The following KSR2 variants were observed in gnomAD, a reference collection of about 807,000 sequenced individuals.
The protein encoded by KSR2 is kinase suppressor of ras 2.
In KSR2, 25 loss-of-function variants were observed where a neutral mutation model predicts 107.8. That is an observed-to-expected ratio of 0.23 (90% CI 0.17 to 0.32). The LOEUF (loss-of-function observed/expected upper bound fraction) is 0.32. KSR2 is among the 10% of genes least tolerant of loss of function. KSR2 has a pLI of 1.00. For missense variants in KSR2, 887 were observed against 1,268.9 expected (o/e 0.70, Z 4.57); for synonymous variants, 480 against 507.0 (o/e 0.95, Z 0.71).
intron 1 of KSR2, among the ~76,000 whole-genome samples, chr12:117,908,579 A>G (rs1894922870): frequency 6.6e-6 from 1 of 152,190 alleles, no homozygotes; most frequent in Non-Finnish European, 1.5e-5. Flanking sequence ...ATCCACAGTG[A>G]TTCTAAGGCC....
At chr12:117,553,776 G>A (rs1264914186) in intron 9 of KSR2, among the ~76,000 whole-genome samples, 1 of 151,850 alleles carries the variant, frequency 6.6e-6, no homozygotes, top group Non-Finnish European at 1.5e-5. Context: ...ATTAATTCCT[G>A]CTAGAGCTGG....
chr12:117,814,628 G>A (rs1407575712), intron 3 of KSR2, among the ~76,000 whole-genome samples: 1 of 152,144 alleles, frequency 6.6e-6, no homozygotes, highest in Non-Finnish European at 1.5e-5. Context: ...TCCCCAAAAT[G>A]TTCCAGCGGA....
At chr12:117,873,253 G>A (rs1189075423) in intron 1 of KSR2, among the ~76,000 whole-genome samples, 6 of 150,820 alleles carry the variant, frequency 4.0e-5, no homozygotes, top group African/African-American at 7.3e-5. Flanking sequence ...GCTAAGACAG[G>A]AGAATTGCTT....
chr12:117,761,337 C>A lies in KSR2; in HGVS notation c.660G>T (p.Val220=), dbSNP rs762622180. 152 of 1,575,632 alleles carry A rather than the reference C, an allele frequency of 9.6e-5. No homozygotes were observed. The East Asian group carries it at 3.3e-3, about 35-fold the overall frequency. ...CGGTAAGCCTGTCCACGTGGGTGTACACAGGGGCCCCGGGAGTGGGGCTGG... is the reference window on the plus strand; with the variant it reads ...CGGTAAGCCTGTCCACGTGGGTGTAAACAGGGGCCCCGGGAGTGGGGCTGG... ...CHTSPTPGAP[V]YTHVDRLTVD... Residue 220 remains valine, a synonymous_variant, in exon 4 of 20, where the codon GTG becomes GTT. Coordinates refer to ENST00000339824, the MANE Select transcript of KSR2 (RefSeq NM_173598.6).
At chr12:117,715,472 A>T (rs1300724642) in intron 4 of KSR2, among the ~76,000 whole-genome samples, 1 of 152,224 alleles carries the variant, frequency 6.6e-6, no homozygotes, top group African/African-American at 2.4e-5. Flanking sequence ...AGCGCAAGGG[A>T]GAAAATTCAC....
At chr12:117,490,999 A>G (rs1486027051) in intron 14 of KSR2, among the ~76,000 whole-genome samples, 1 of 152,156 alleles carries the variant, frequency 6.6e-6, no homozygotes, top group Non-Finnish European at 1.5e-5. Flanking sequence ...TATAATCACC[A>G]TGATGTTCAA....
intron 4 of KSR2, among the ~76,000 whole-genome samples, chr12:117,748,734 G>C (rs575446525): frequency 1.3e-5 from 2 of 152,176 alleles, no homozygotes; most frequent in African/African-American, 4.8e-5. Flanking sequence ...AGCTGTGCAA[G>C]AGCTTAATGC....
intron 4 of KSR2, among the ~76,000 whole-genome samples, chr12:117,670,696 G>GC (rs1884869433): frequency 6.6e-6 from 1 of 151,882 alleles, no homozygotes; most frequent in Non-Finnish European, 1.5e-5. Context: ...ATTTCCCTTT[G>GC]CCCCCCTGTG....
rs753524114 is a variant in KSR2, at chr12:117,484,493, G to A, written c.2373C>T (p.Asn791=). ...CCACTTTGCCGTTGTCATAGAAGACGTTCTTTGACTTGAGGTCCTTGTGTA... is the reference window on the plus strand; with the variant it reads ...CCACTTTGCCGTTGTCATAGAAGACATTCTTTGACTTGAGGTCCTTGTGTA... ...GILHKDLKSK[N]VFYDNGKVVI... Residue 791 remains asparagine, a synonymous_variant, in exon 16 of 20, where the codon AAC becomes AAT. Transcript: ENST00000339824. The A allele has an allele frequency of 3.7e-6, 6 of 1,613,446 alleles. No individual in the cohort carries two copies. The highest frequency in any genetic ancestry group is 2.2e-5 in the East Asian group (1 of 44,896).
intron 4 of KSR2, among the ~76,000 whole-genome samples, chr12:117,738,621 T>A (rs1295538955): frequency 6.6e-6 from 1 of 152,174 alleles, no homozygotes; most frequent in Non-Finnish European, 1.5e-5. Flanking sequence ...ATGCCTGTAA[T>A]CCCAGCACTT....
chr12:117,561,688 A>G (rs759013006), intron 7 of KSR2, among the ~76,000 whole-genome samples: 2 of 152,214 alleles, frequency 1.3e-5, no homozygotes, highest in Non-Finnish European at 2.9e-5. Context: ...CAAGCCTAAG[A>G]TAACACCTAA....
intron 4 of KSR2, among the ~76,000 whole-genome samples, chr12:117,712,995 A>C (rs568715343): frequency 6.6e-6 from 1 of 151,184 alleles, no homozygotes; most frequent in South Asian, 2.1e-4. Context: ...TAATAGATAT[A>C]GATACAGATG....
intron 3 of KSR2, among the ~76,000 whole-genome samples, chr12:117,834,980 G>T (rs536139497): frequency 3.3e-5 from 5 of 152,366 alleles, no homozygotes; most frequent in African/African-American, 1.2e-4. Flanking sequence ...TTCGAGGGCA[G>T]GGATGCAGTT....
chr12:117,912,537 T>C (rs1313104620), intron 1 of KSR2, among the ~76,000 whole-genome samples: 1 of 152,216 alleles, frequency 6.6e-6, no homozygotes, highest in African/African-American at 2.4e-5. Context: ...TCTGAGAGTT[T>C]TGAAAATGAA....
chr12:117,658,383 GA>G (rs1884277427), intron 5 of KSR2, among the ~76,000 whole-genome samples: 2 of 152,056 alleles, frequency 1.3e-5, no homozygotes. Flanking sequence ...AGGAGGAGAT[GA>G]AAAAAAGTGG....
chr12:117,600,450 T>C (rs1358188142), intron 5 of KSR2, among the ~76,000 whole-genome samples: 1 of 152,210 alleles, frequency 6.6e-6, no homozygotes, highest in African/African-American at 2.4e-5. Flanking sequence ...AATGCGTCCC[T>C]GGACCACGCC....
chr12:117,480,486 C>T (rs1395281752), intron 16 of KSR2, among the ~76,000 whole-genome samples: 1 of 152,158 alleles, frequency 6.6e-6, no homozygotes, highest in Non-Finnish European at 1.5e-5. Context: ...GCACTGGCAT[C>T]TAAAACGATA....
intron 3 of KSR2, among the ~76,000 whole-genome samples, chr12:117,814,537 C>T (rs1258284141): frequency 2.0e-5 from 3 of 152,204 alleles, no homozygotes; most frequent in Non-Finnish European, 2.9e-5. Flanking sequence ...TGACAAAGGG[C>T]GGAGATTAAA....
At chr12:117,939,496 T>C (rs1001288753) in intron 1 of KSR2, among the ~76,000 whole-genome samples, 1 of 152,066 alleles carries the variant, frequency 6.6e-6, no homozygotes, top group African/African-American at 2.4e-5. Context: ...GTGGATCATG[T>C]GGTCAGGAGT....
Sources: gnomAD v4.1 joint callset for allele counts (sites outside exome capture counted in the v4.1 genomes callset) on GRCh38, gnomAD v4.1.1 for gene constraint, MANE v1.5 for transcripts, NCBI Gene and HGNC (gene_info 2026-07-23, HGNC 2026-07-21) for gene names.